SPATC1: variants seen among roughly 807,000 people sequenced by gnomAD.
SPATC1 encodes speriolin.
In SPATC1, 35 loss-of-function variants were observed where a neutral mutation model predicts 36.5. That is an observed-to-expected ratio of 0.96 (90% CI 0.73 to 1.27). SPATC1 has a LOEUF of 1.27. SPATC1 is among the 50% of genes most tolerant of loss of function. SPATC1 has a pLI of 0.00. For missense variants in SPATC1, 779 were observed against 796.0 expected, an observed-to-expected ratio of 0.98 and a Z score of 0.26; for synonymous variants, 361 against 353.6, an observed-to-expected ratio of 1.02 and a Z score of -0.24.
At chr8:144,014,260 GGAAA>G (rs550350909) in intron 1 of SPATC1, among the ~76,000 whole-genome samples, 28 of 136,962 alleles carry the variant, frequency 2.0e-4, no homozygotes, top group East Asian at 4.2e-4. Context: ...AGAAAAAGAA[GGAAA>G]GAAAGAAAGA....
chr8:144,027,929 T>C (rs1587503907), intron 1 of SPATC1, among the ~76,000 whole-genome samples: 2 of 151,928 alleles, frequency 1.3e-5, no homozygotes, highest in Non-Finnish European at 2.9e-5. Flanking sequence ...GGAGGCAGAG[T>C]TTGCAGTGAG....
intron 4 of SPATC1, among the ~76,000 whole-genome samples, chr8:144,043,541 C>G (rs1835173167): frequency 6.6e-6 from 1 of 151,908 alleles, no homozygotes; most frequent in African/African-American, 2.4e-5. Context: ...TGGCCTCGCC[C>G]AGCTTTAAAT....
In SPATC1 at chr8:144,016,496, G is replaced by C. The variant is rs1211167864; in HGVS notation, c.211+3770G>C. Among the ~76,000 whole-genome samples, 2 of 152,128 alleles carry C rather than the reference G, an allele frequency of 1.3e-5. No homozygotes were observed. Among genetic ancestry groups the C allele is most frequent in the African/African-American group, 4.8e-5 (2 of 41,416 alleles). ...GTGTGTTCATGTGTGACAGGGGCCA[G>C]GGAGAGGTGAAAAATGCAGCTAGAG... On this transcript the variant is annotated intron_variant, in intron 1 of 4. Transcript: ENST00000377470. The surrounding 1 kb of genome is among the most constrained non-coding windows in gnomAD (Gnocchi z 4.5).
chr8:144,046,250 G>A lies in SPATC1; in HGVS notation c.1447-377G>A, dbSNP rs1835257899. On this transcript the variant is annotated intron_variant, in intron 4 of 4. Transcript: ENST00000377470. This position sits in a 1 kb window ranked among gnomAD's most constrained non-coding sequence, Gnocchi z 6.6. The stretch of plus-strand genomic sequence containing the variant: ...GAAAGACCCCAGACTCCTGGGTCAG[G>A]GGACCCTGTGCACCTCCAGATGCCT... Among the ~76,000 whole-genome samples the A allele has an allele frequency of 6.6e-6, 1 of 152,106 alleles. No homozygotes were observed. The highest frequency in any genetic ancestry group is 1.5e-5 in the Non-Finnish European group (1 of 67,986).
intron 1 of SPATC1, among the ~76,000 whole-genome samples, chr8:144,037,348 T>C (rs1402544535): frequency 1.3e-5 from 2 of 151,568 alleles, no homozygotes; most frequent in Non-Finnish European, 2.9e-5. Context: ...CGGGCCATGA[T>C]GACAATGGCG....
rs782549963 is a variant in SPATC1, at chr8:144,040,946, C to T, written c.1145C>T (p.Pro382Leu). The T allele has an allele frequency of 1.2e-5, 20 of 1,607,522 alleles. No homozygotes were observed. The African/African-American group carries it at 2.1e-4, about 17-fold the overall frequency. The change falls in exon 3 of 5, where the codon CCT becomes CTT. Residue 382 changes from proline (P) to leucine (L), a missense_variant. Pro to Leu is a moderately conservative substitution (Grantham distance 98). Coordinates refer to ENST00000377470, the MANE Select transcript of SPATC1 (RefSeq NM_198572.3). ...CAGAACCTGCCTGTCCCCCACTGTCCTCCACACAACGCCCACTCCCCACCT... is the reference window on the plus strand; with the variant it reads ...CAGAACCTGCCTGTCCCCCACTGTCTTCCACACAACGCCCACTCCCCACCT... ...PTQNLPVPHC[P>L]PHNAHSPPRT...
At position 144,040,884 on chromosome 8, in the gene SPATC1, C is replaced by A; in HGVS notation, c.1083C>A (p.Ala361=). 6.3e-7 allele frequency: 1 copy of A among 1,587,082 alleles called. No individual in the cohort carries two copies. Among genetic ancestry groups the A allele is most frequent in the Non-Finnish European group, 8.6e-7 (1 of 1,165,202 alleles). ...PSSTTHIAQG[A]PHPPSRMHNS... Reference sequence around the variant, plus strand: ...GCACCACCCACATCGCCCAGGGTGCCCCCCATCCCCCTTCCCGAATGCATA... The same window carrying A: ...GCACCACCCACATCGCCCAGGGTGCACCCCATCCCCCTTCCCGAATGCATA... The change falls in exon 3 of 5, where the codon GCC becomes GCA. Residue 361 remains alanine (A), a synonymous_variant. Coordinates refer to ENST00000377470, the MANE Select transcript of SPATC1 (RefSeq NM_198572.3).
At chr8:144,031,293 T>C (rs1834787341) in intron 1 of SPATC1, among the ~76,000 whole-genome samples, 1 of 152,172 alleles carries the variant, frequency 6.6e-6, no homozygotes, top group Non-Finnish European at 1.5e-5. Context: ...GAATATAGAA[T>C]TCTTCTTTGA....
chr8:144,037,231 C>T (rs1162820728), intron 1 of SPATC1, among the ~76,000 whole-genome samples: 1 of 141,670 alleles, frequency 7.1e-6, no homozygotes, highest in African/African-American at 2.6e-5. Context: ...CCGCCCCGCC[C>T]GGGAGGTGAG....
At chr8:144,012,853 AAC>A (rs1257829679) in intron 1 of SPATC1, 127 bp downstream of exon 1, 2 of 956,114 alleles carry the variant, frequency 2.1e-6, no homozygotes, top group African/African-American at 3.3e-5. Flanking sequence ...TCTCTGCTCT[AAC>A]ACACTCAGCT....
chr8:144,023,382 A>T (rs1834593237), intron 1 of SPATC1, among the ~76,000 whole-genome samples: 1 of 30,654 alleles, frequency 3.3e-5, no homozygotes, highest in South Asian at 1.4e-3. Flanking sequence ...TTCCCTAAGG[A>T]CCCTCTTCCC....
At chr8:144,037,211 G>A (rs544803554) in intron 1 of SPATC1, among the ~76,000 whole-genome samples, 4 of 137,956 alleles carry the variant, frequency 2.9e-5, no homozygotes, top group Admixed American at 1.4e-4. Flanking sequence ...TCAGCCCCCC[G>A]CCCAGCCGGC....
At chr8:144,039,080 C>T (rs1834990065) in intron 1 of SPATC1, among the ~76,000 whole-genome samples, 1 of 152,174 alleles carries the variant, frequency 6.6e-6, no homozygotes. Context: ...TCCATTCTTT[C>T]TCTATAATAA....
Position 144,046,484 on chromosome 8 carries a change from G to A in SPATC1, c.1447-143G>A. ...CTGGGTTCCCCTGTCCTAGATTCTT[G>A]AGGTCTGTCGCAGAACCTCCCCACC... On this transcript the variant is annotated intron_variant, in intron 4 of 4. Coordinates refer to ENST00000377470, the MANE Select transcript of SPATC1 (RefSeq NM_198572.3). This position sits in a 1 kb window ranked among gnomAD's most constrained non-coding sequence, Gnocchi z 6.6. The A allele has an allele frequency of 1.3e-6, 1 of 742,822 alleles. No individual in the cohort carries two copies. The highest frequency in any genetic ancestry group is 2.2e-6 in the Non-Finnish European group (1 of 461,492). 46.0% of individuals were successfully genotyped at this position (742,822 alleles called of 1,614,324 possible). A position where few individuals can be genotyped will look rare whatever the true frequency, so the allele number is the denominator to read the frequency against.
In SPATC1 at chr8:144,046,848, T is replaced by C. The variant is rs1835280694; in HGVS notation, c.1668T>C (p.Arg556=). Residue 556 remains arginine (R), a synonymous_variant, in exon 5 of 5, where the codon CGT becomes CGC. Transcript: ENST00000377470. The surrounding 1 kb of genome is among the most constrained non-coding windows in gnomAD (Gnocchi z 6.6). ...GGPYTVDFLQ[R]VVVETVHPGM... ...CCTACACCGTGGACTTCCTGCAGCG[T>C]GTGGTGGTGGAGACCGTGCACCCCG... The C allele has an allele frequency of 6.2e-7, 1 of 1,602,152 alleles. No homozygotes were observed. Among genetic ancestry groups the C allele is most frequent in the South Asian group, 1.1e-5 (1 of 91,080 alleles).
intron 1 of SPATC1, among the ~76,000 whole-genome samples, chr8:144,038,049 C>A (rs1399941173): frequency 6.6e-6 from 1 of 151,328 alleles, no homozygotes; most frequent in Non-Finnish European, 1.5e-5. Context: ...ATGGCGTGAA[C>A]CCCGGGGGGC....
chr8:144,013,098 T>C (rs996900200), intron 1 of SPATC1, among the ~76,000 whole-genome samples: 5 of 152,166 alleles, frequency 3.3e-5, no homozygotes, highest in Admixed American at 6.5e-5. Context: ...TATTTAAGCC[T>C]CTACAGCTTG....
At position 144,016,293 on chromosome 8, in the gene SPATC1, G is replaced by A. The variant is rs782670329; in HGVS notation, c.211+3567G>A. ...GCATGTGTGTGTGAGAGGATATGGT[G>A]TATCTGCTTTGACGGTGTGTGATTT... On this transcript the variant is annotated intron_variant, in intron 1 of 4. Transcript: ENST00000377470. This position sits in a 1 kb window ranked among gnomAD's most constrained non-coding sequence, Gnocchi z 4.5. 2.6e-5 allele frequency among the ~76,000 whole-genome samples: 4 copies of A among 152,086 alleles called. No homozygotes were observed. Among genetic ancestry groups the A allele is most frequent in the African/African-American group, 4.8e-5 (2 of 41,416 alleles).
In SPATC1 at chr8:144,046,422, C is replaced by T. The variant is rs1554756755; in HGVS notation, c.1447-205C>T. 6.6e-6 allele frequency among the ~76,000 whole-genome samples: 1 copy of T among 152,186 alleles called. No individual in the cohort carries two copies. The highest frequency in any genetic ancestry group is 1.5e-5 in the Non-Finnish European group (1 of 68,014). Reference sequence around the variant, plus strand: ...GAGCTTTGAGAGCCACCTGCCCTGCCCGGATCAGGCCTTGGAGACCTGTCA... The same window carrying T: ...GAGCTTTGAGAGCCACCTGCCCTGCTCGGATCAGGCCTTGGAGACCTGTCA... On this transcript the variant is annotated intron_variant, in intron 4 of 4. Coordinates refer to ENST00000377470, the MANE Select transcript of SPATC1 (RefSeq NM_198572.3). The surrounding 1 kb of genome is among the most constrained non-coding windows in gnomAD (Gnocchi z 6.6).
Sources: allele counts gnomAD v4.1 joint callset (sites outside exome capture counted in the v4.1 genomes callset), GRCh38; gene constraint gnomAD v4.1.1; non-coding constraint Gnocchi (gnomAD v3.1); transcripts MANE v1.5; gene names NCBI Gene and HGNC (gene_info 2026-07-23, HGNC 2026-07-21).